Variants in ERICH6 observed in about 807,000 individuals in gnomAD.
The protein encoded by ERICH6 is glutamate-rich protein 6.
A neutral mutation model predicts 71.0 loss-of-function variants in ERICH6; 71 were observed. That is an observed-to-expected ratio of 1.00 (90% CI 0.83 to 1.22). ERICH6 has a LOEUF of 1.22. Ranked by LOEUF, ERICH6 falls within the 50% of genes most tolerant of loss-of-function variation. ERICH6 has a pLI of 0.00. For synonymous variants in ERICH6, 262 were observed against 278.4 expected (o/e 0.94, Z 0.59); for missense variants, 808 against 797.2 (o/e 1.01, Z -0.16).
At chr3:150,699,546 GC>G (rs1294299464) in intron 2 of ERICH6, among the ~76,000 whole-genome samples, 1 of 151,992 alleles carries the variant, frequency 6.6e-6, no homozygotes, top group East Asian at 1.9e-4. Context: ...CTATTTATCA[GC>G]CATTCATTTA....
chr3:150,674,142 T>C (rs1319140341), intron 10 of ERICH6, 101 bp from the exon 11 acceptor site: 8 of 898,932 alleles, frequency 8.9e-6, no homozygotes, highest in Non-Finnish European at 1.4e-5. Flanking sequence ...GTCATACAAA[T>C]CAATTATTAA....
chr3:150,669,560 G>A (rs1711497169), intron 11 of ERICH6, 109 bp from the exon 12 acceptor site: 1 of 1,198,346 alleles, frequency 8.3e-7, no homozygotes, highest in Non-Finnish European at 1.2e-6. Flanking sequence ...TCTGAAAATG[G>A]GAGGTACTAT....
At chr3:150,697,306 T>C (rs547912126) in intron 3 of ERICH6, among the ~76,000 whole-genome samples, 15 of 152,300 alleles carry the variant, frequency 9.8e-5, no homozygotes, top group Non-Finnish European at 1.9e-4. Context: ...CAAAAGAAAC[T>C]ATTGTTTGAT....
At chr3:150,683,370 A>T (rs1380247095) in intron 6 of ERICH6, among the ~76,000 whole-genome samples, 5 of 152,136 alleles carry the variant, frequency 3.3e-5, no homozygotes, top group Non-Finnish European at 7.4e-5. Context: ...ATACCAAGCC[A>T]TTCACAACCT....
chr3:150,660,195 G>C, intron 13 of ERICH6, 40 bp from the exon 14 acceptor site: 4 of 1,596,284 alleles, frequency 2.5e-6, no homozygotes, highest in Non-Finnish European at 3.4e-6. Flanking sequence ...TCAGAGTCCA[G>C]AAGTGGAACT....
At chr3:150,678,927 G>T (rs528918311) in intron 9 of ERICH6, among the ~76,000 whole-genome samples, 1 of 150,942 alleles carries the variant, frequency 6.6e-6, no homozygotes, top group Non-Finnish European at 1.5e-5. Context: ...TGTAATCCCA[G>T]CTGCTTGTGA....
chr3:150,670,574 CTG>C (rs1223782929), intron 11 of ERICH6, among the ~76,000 whole-genome samples: 1 of 144,764 alleles, frequency 6.9e-6, no homozygotes, highest in African/African-American at 2.6e-5. Flanking sequence ...GGAAGTAAAA[CTG>C]TACCTATTAG....
At chr3:150,678,588 ATGTTTTAAATT>A in intron 9 of ERICH6, 34 bp from the exon 10 acceptor site, 1 of 1,506,582 alleles carries the variant, frequency 6.6e-7, no homozygotes, top group Non-Finnish European at 8.8e-7. Flanking sequence ...AAATACATAT[ATGTTTTAAATT>A]TTCTAAAGCC....
intron 12 of ERICH6, among the ~76,000 whole-genome samples, chr3:150,668,314 C>A (rs1474371862): frequency 6.6e-6 from 1 of 152,110 alleles, no homozygotes; most frequent in Non-Finnish European, 1.5e-5. Context: ...ACACAAGAGG[C>A]AGAGAGGGCT....
intron 10 of ERICH6, among the ~76,000 whole-genome samples, chr3:150,675,373 G>C (rs961429698): frequency 1.3e-5 from 2 of 151,556 alleles, no homozygotes; most frequent in Non-Finnish European, 2.9e-5. Flanking sequence ...TTTGAGACAA[G>C]AGTCTTGCTC....
chr3:150,664,498 A>T (rs967664935), intron 13 of ERICH6, among the ~76,000 whole-genome samples: 8 of 152,050 alleles, frequency 5.3e-5, no homozygotes, highest in African/African-American at 1.9e-4. Flanking sequence ...AAAATACAAA[A>T]TTAACTGAGT....
At chr3:150,660,982 G>A (rs949985134) in intron 13 of ERICH6, among the ~76,000 whole-genome samples, 1 of 152,186 alleles carries the variant, frequency 6.6e-6, no homozygotes, top group African/African-American at 2.4e-5. Flanking sequence ...GAATAGTTCA[G>A]AATCTTTTAC....
intron 3 of ERICH6, among the ~76,000 whole-genome samples, chr3:150,697,120 C>T (rs748654633): frequency 1.2e-4 from 18 of 151,760 alleles, no homozygotes; most frequent in South Asian, 2.1e-4. Context: ...GCCTATTAAG[C>T]GAAAAAGCAA....
intron 6 of ERICH6, among the ~76,000 whole-genome samples, chr3:150,683,766 CAAAACA>C (rs1273434360): frequency 2.0e-5 from 3 of 151,880 alleles, no homozygotes; most frequent in African/African-American, 7.3e-5. Context: ...CATCTCAAAA[CAAAACA>C]AAAACAAAAA....
At chr3:150,685,232 T>C (rs2108064497) in intron 6 of ERICH6, among the ~76,000 whole-genome samples, 1 of 152,272 alleles carries the variant, frequency 6.6e-6, no homozygotes. Context: ...TGTGACCTTA[T>C]TGAGAAATAC....
At chr3:150,697,741 C>T (rs1345445055) in intron 3 of ERICH6, among the ~76,000 whole-genome samples, 1 of 152,178 alleles carries the variant, frequency 6.6e-6, no homozygotes, top group East Asian at 1.9e-4. Flanking sequence ...GGCTCTTGCC[C>T]TCATATTTTC....
chr3:150,661,837 C>T (rs540951053), intron 13 of ERICH6, among the ~76,000 whole-genome samples: 3 of 151,990 alleles, frequency 2.0e-5, no homozygotes, highest in Admixed American at 6.6e-5. Context: ...GCTATGGTCA[C>T]GCCACTACAC....
At position 150,685,873 on chromosome 3, in the gene ERICH6, A is replaced by C; in HGVS notation, c.667-15T>G. 1.9e-6 allele frequency: 3 copies of C among 1,612,420 alleles called. No individual in the cohort carries two copies. The highest frequency in any genetic ancestry group is 2.5e-6 in the Non-Finnish European group (3 of 1,178,708). ...TCTTCCTTAAACTAAATTTAAAAAG[A>C]GAAAGGGGTGGTGAGGGGAAATAAT... On this transcript the variant is annotated splice_polypyrimidine_tract_variant and intron_variant, in intron 5 of 13. Coordinates refer to ENST00000295910, the MANE Select transcript of ERICH6 (RefSeq NM_152394.5).
intron 13 of ERICH6, among the ~76,000 whole-genome samples, chr3:150,666,491 C>T (rs1727419114): frequency 1.3e-5 from 2 of 152,182 alleles, no homozygotes; most frequent in Non-Finnish European, 2.9e-5. Flanking sequence ...AAAACAAACA[C>T]AATACGAAAT....
Sources: gnomAD v4.1 joint callset for allele counts (sites outside exome capture counted in the v4.1 genomes callset) on GRCh38, gnomAD v4.1.1 for gene constraint, MANE v1.5 for transcripts, NCBI Gene and HGNC (gene_info 2026-07-23, HGNC 2026-07-21) for gene names.